BLNK: variants seen among roughly 807,000 people sequenced by gnomAD.
BLNK encodes the protein B cell linker, also known as B-cell linker protein.
Under a neutral mutation model 73.5 loss-of-function variants are expected in BLNK, and 29 were observed. That is an observed-to-expected ratio of 0.39 (90% CI 0.29 to 0.54). The LOEUF (loss-of-function observed/expected upper bound fraction) is 0.54, where lower values mean the gene tolerates loss of function less well. Among genes scored for constraint, BLNK ranks in the 20% least tolerant of loss-of-function variants. The pLI is 0.61. For missense variants in BLNK, 460 were observed against 562.8 expected, an observed-to-expected ratio of 0.82 and a Z score of 1.85; for synonymous variants, 176 against 200.8, an observed-to-expected ratio of 0.88 and a Z score of 1.04.
chr10:96,246,588 C>CA (rs1843054331), intron 2 of BLNK, among the ~76,000 whole-genome samples: 2 of 152,060 alleles, frequency 1.3e-5, no homozygotes, highest in African/African-American at 2.4e-5. Flanking sequence ...AACAAAACCC[C>CA]AAAAAAAGGA....
intron 6 of BLNK, among the ~76,000 whole-genome samples, chr10:96,218,037 C>T (rs1332966976): frequency 6.6e-6 from 1 of 152,180 alleles, no homozygotes; most frequent in African/African-American, 2.4e-5. Flanking sequence ...GCACCATTTA[C>T]CTAGCACTAT....
Position 96,201,034 on chromosome 10 carries a change from G to A in BLNK, c.959C>T (p.Thr320Ile). The A allele has an allele frequency of 6.2e-7, 1 of 1,614,108 alleles. No individual in the cohort carries two copies. The highest frequency in any genetic ancestry group is 8.5e-7 in the Non-Finnish European group (1 of 1,179,960). Residue 320 changes from threonine (T) to isoleucine (I), a missense_variant, in exon 14 of 17, where the codon ACT (threonine) becomes ATT (isoleucine). Thr to Ile is a moderately conservative substitution (Grantham distance 89, BLOSUM62 -1). This residue lies in a region of BLNK where 233 missense variants were observed against 232.1 expected (regional missense o/e 1.00). Coordinates refer to ENST00000224337, the MANE Select transcript of BLNK (RefSeq NM_013314.4). ...AAAGCTGGGTAGGGGCCCATCCACA[G>A]TTGGGTTTCCCCCTTCTGTAAATCC... Reference protein sequence around the residue: ...LPRFTEGGNPTVDGPLPSFSS... With the variant: ...LPRFTEGGNPIVDGPLPSFSS...
At chr10:96,216,198 G>T (rs2084060467) in intron 7 of BLNK, 1 of 201,176 alleles carries the variant, frequency 5.0e-6, no homozygotes, top group African/African-American at 2.3e-5. Context: ...GTTTACGGAT[G>T]AAATGTTTCA....
At chr10:96,197,412 C>T (rs2083495272) in intron 15 of BLNK, among the ~76,000 whole-genome samples, 1 of 152,154 alleles carries the variant, frequency 6.6e-6, no homozygotes, top group African/African-American at 2.4e-5. Context: ...TCAAGCGATC[C>T]TCCCACCTCA....
At chr10:96,246,140 A>T (rs1047983114) in intron 2 of BLNK, among the ~76,000 whole-genome samples, 4 of 148,284 alleles carry the variant, frequency 2.7e-5, no homozygotes, top group South Asian at 2.1e-4. Context: ...TATTCTCTTT[A>T]AAAAAAAAAG....
chr10:96,215,231 T>G (rs1405275748), intron 8 of BLNK, 90 bp downstream of exon 8: 1 of 1,364,194 alleles, frequency 7.3e-7, no homozygotes, highest in Non-Finnish European at 1.0e-6. Flanking sequence ...TTAAGACATT[T>G]GGAAATACAA....
Position 96,228,654 on chromosome 10 carries a change from C to T in BLNK, c.205-1088G>A, listed in dbSNP as rs1039056417. On this transcript the variant is annotated intron_variant, in intron 4 of 16. Transcript: ENST00000224337. ...CTTAGAAGGATATAAAGTGCAGTCTCCTTCTCAGCCTCTCTGCTTCTCACC... is the reference window on the plus strand; with the variant it reads ...CTTAGAAGGATATAAAGTGCAGTCTTCTTCTCAGCCTCTCTGCTTCTCACC... 3.3e-5 allele frequency among the ~76,000 whole-genome samples: 5 copies of T among 152,334 alleles called. No individual in the cohort carries two copies. In the East Asian group the frequency reaches 9.6e-4, roughly 29 times the overall value.
chr10:96,244,089 T>G (rs114663297), intron 2 of BLNK, among the ~76,000 whole-genome samples: 1,644 of 152,280 alleles, frequency 0.011, 31 homozygotes, highest in African/African-American at 0.038. Flanking sequence ...AATATGTATA[T>G]TTACATAGAA....
Position 96,206,923 on chromosome 10 carries a change from A to C in BLNK, c.817+88T>G, listed in dbSNP as rs587740295. ...TGAGTTTCATGTTTACAATTGCCCC[A>C]AAAATAATGTAATAAATGTGTACAT... On this transcript the variant is annotated intron_variant, in intron 11 of 16. Transcript: ENST00000224337. 4.8e-4 allele frequency: 677 copies of C among 1,409,454 alleles called. 7 individuals carry two copies. The South Asian group carries it at 6.4e-3, about 13-fold the overall frequency. 87.3% of individuals were successfully genotyped at this position (1,409,454 alleles called of 1,614,324 possible).
intron 3 of BLNK, among the ~76,000 whole-genome samples, chr10:96,240,281 G>A (rs780444600): frequency 2.6e-5 from 4 of 152,204 alleles, no homozygotes; most frequent in Admixed American, 6.5e-5. Context: ...CATGAAACAC[G>A]TGTTGAATGA....
At chr10:96,267,432 A>G (rs1253018150) in intron 1 of BLNK, among the ~76,000 whole-genome samples, 1 of 152,174 alleles carries the variant, frequency 6.6e-6, no homozygotes, top group African/African-American at 2.4e-5. Flanking sequence ...CAAAACAGGG[A>G]GGATCTGAGA....
At position 96,191,235 on chromosome 10, in the gene BLNK, CTTTTTTT is replaced by C. The variant is rs34920263; in HGVS notation, c.*731_*737del. Among the ~76,000 whole-genome samples the C allele has an allele frequency of 7.7e-6, 1 of 130,268 alleles. No individual in the cohort carries two copies. The highest frequency in any genetic ancestry group is 2.9e-5 in the African/African-American group (1 of 34,372). The allele number at this position is 130,268 out of a possible 152,430, so 85.5% of individuals were successfully genotyped here. ...GTGGAACTGTGAGTCCATTAAACCT[CTTTTTTT>C]TTTTTTTTTTTTATGTAAATCACCC... is the stretch of plus-strand genomic sequence containing the variant. On this transcript the variant is annotated 3_prime_UTR_variant, in exon 17 of 17. Coordinates refer to ENST00000224337, the MANE Select transcript of BLNK (RefSeq NM_013314.4).
At chr10:96,223,801 A>G (rs782140443) in intron 6 of BLNK, 25 bp downstream of exon 6, 1 of 1,612,854 alleles carries the variant, frequency 6.2e-7, no homozygotes, top group Non-Finnish European at 8.5e-7. Flanking sequence ...TGTCCTGGGA[A>G]GCCTTTGGCA....
Position 96,236,411 on chromosome 10 carries a change from G to C in BLNK, c.164-5577C>G, listed in dbSNP as rs868927388. Among the ~76,000 whole-genome samples the C allele has an allele frequency of 5.9e-5, 9 of 152,330 alleles. No individual in the cohort carries two copies. The South Asian group carries it at 1.9e-3, about 32-fold the overall frequency. Reference sequence around the variant, plus strand: ...TACAGAGGCTGCAGGGGAGGCGGTGGGTGGCCAGTCCCACCAGTGCCGCCC... The same window carrying C: ...TACAGAGGCTGCAGGGGAGGCGGTGCGTGGCCAGTCCCACCAGTGCCGCCC... On this transcript the variant is annotated intron_variant, in intron 3 of 16. Coordinates refer to ENST00000224337, the MANE Select transcript of BLNK (RefSeq NM_013314.4).
chr10:96,193,462 G>A (rs2083378417), intron 16 of BLNK, among the ~76,000 whole-genome samples: 1 of 152,206 alleles, frequency 6.6e-6, no homozygotes, highest in Non-Finnish European at 1.5e-5. Flanking sequence ...ATATTTGTGA[G>A]TATTGCCTTG....
At chr10:96,230,765 C>T in intron 4 of BLNK, 29 bp downstream of exon 4, 1 of 1,600,138 alleles carries the variant, frequency 6.2e-7, no homozygotes, top group Non-Finnish European at 8.5e-7. Flanking sequence ...GACCCTGATG[C>T]CCTCCTGGTC....
chr10:96,205,763 T>A (rs894125702), intron 11 of BLNK, among the ~76,000 whole-genome samples: 1 of 152,184 alleles, frequency 6.6e-6, no homozygotes, highest in Admixed American at 6.6e-5. Flanking sequence ...GGAGGGGGCA[T>A]GCCTGGCAGG....
At chr10:96,264,677 C>T (rs879959965) in intron 1 of BLNK, among the ~76,000 whole-genome samples, 14 of 152,202 alleles carry the variant, frequency 9.2e-5, no homozygotes, top group Admixed American at 2.6e-4. Flanking sequence ...GCCTACCCAT[C>T]GGTTTCAAAA....
At chr10:96,268,217 G>A (rs1554914728) in intron 1 of BLNK, among the ~76,000 whole-genome samples, 1 of 152,154 alleles carries the variant, frequency 6.6e-6, no homozygotes, top group Non-Finnish European at 1.5e-5. Flanking sequence ...CAATTGGGAG[G>A]TTATTAAAAA....
Sources: gnomAD v4.1 joint callset for allele counts (sites outside exome capture counted in the v4.1 genomes callset) on GRCh38, gnomAD v4.1.1 for gene constraint, gnomAD v4.1.1 regional missense constraint, MANE v1.5 for transcripts, NCBI Gene and HGNC (gene_info 2026-07-23, HGNC 2026-07-21) for gene names.